The following ADCY3 variants were observed in gnomAD, a reference collection of about 807,000 sequenced individuals.
The protein encoded by ADCY3 is adenylate cyclase type 3.
A neutral mutation model predicts 119.4 loss-of-function variants in ADCY3; 70 were observed. The ratio of observed to expected loss-of-function variants is 0.59; its 90% CI spans 0.48 to 0.72. The LOEUF (loss-of-function observed/expected upper bound fraction) is 0.72. Among genes scored for constraint, ADCY3 ranks in the 30% least tolerant of loss-of-function variants. The pLI is 0.00. For missense variants in ADCY3, 1,238 were observed against 1,541.6 expected (o/e 0.80, Z 3.30); for synonymous variants, 672 against 621.4 (o/e 1.08, Z -1.21).
intron 3 of ADCY3, among the ~76,000 whole-genome samples, chr2:24,848,618 G>A (rs542803426): frequency 9.2e-5 from 14 of 152,288 alleles, no homozygotes; most frequent in Non-Finnish European, 1.9e-4. Context: ...TCCTAGGCAG[G>A]AAAGCAGGAA....
chr2:24,822,721 ACTAAAC>A, intron 18 of ADCY3, 91 bp from the exon 19 acceptor site: 1 of 1,521,898 alleles, frequency 6.6e-7, no homozygotes, highest in Admixed American at 1.9e-5. Flanking sequence ...CAAGGACCCC[ACTAAAC>A]CCAAGAGACA....
rs889044286 is a variant in ADCY3 at position 24,819,703 on chromosome 2, A to T, written c.*229T>A. On this transcript the variant is annotated 3_prime_UTR_variant, in exon 22 of 22. Coordinates refer to ENST00000679454, the MANE Select transcript of ADCY3 (RefSeq NM_004036.5). ...GGATTGGAACGAGGGCTCTGGAAGG[A>T]CTGTTCAGCCCTATGCCTAAGACCC... 4.2e-6 allele frequency: 2 copies of T among 478,418 alleles called. No individual in the cohort carries two copies. Among genetic ancestry groups the T allele is most frequent in the African/African-American group, 4.1e-5 (2 of 49,324 alleles). 29.6% of individuals were successfully genotyped at this position (478,418 alleles called of 1,614,324 possible).
rs771830047 is a variant in ADCY3 at position 24,820,814 on chromosome 2, G to A, written c.3162C>T (p.Ile1054=). 278 of 1,613,918 alleles carry A rather than the reference G, an allele frequency of 1.7e-4. No homozygotes were observed. The highest frequency in any genetic ancestry group is 2.2e-4 in the Non-Finnish European group (256 of 1,179,992). ...TGTCGTAGTGTGGTTTCCGGGCTCC[G>A]ATGACCCCAGCCAGAACCCCGCCTT... ...MNKGGVLAGV[I]GARKPHYDIW... Residue 1054 remains isoleucine, a synonymous_variant, in exon 21 of 22, where the codon ATC becomes ATT. Coordinates refer to ENST00000679454, the MANE Select transcript of ADCY3 (RefSeq NM_004036.5).
chr2:24,841,184 A>T lies in ADCY3; in HGVS notation c.1196+75T>A. On this transcript the variant is annotated intron_variant, in intron 6 of 21. Coordinates refer to ENST00000679454, the MANE Select transcript of ADCY3 (RefSeq NM_004036.5). This position sits in a 1 kb window ranked among gnomAD's most constrained non-coding sequence, Gnocchi z 5.8. ...CACCCAGGGGCCATGGCCAGCGCGG[A>T]AGACCTGCTTCTCCCTGGGTCCAGG... The T allele has an allele frequency of 6.8e-7, 1 of 1,464,058 alleles. No homozygotes were observed. Among genetic ancestry groups the T allele is most frequent in the Non-Finnish European group, 9.1e-7 (1 of 1,102,680 alleles). 90.7% of individuals were successfully genotyped at this position (1,464,058 alleles called of 1,614,324 possible).
intron 2 of ADCY3, among the ~76,000 whole-genome samples, chr2:24,908,482 GA>G (rs1422274252): frequency 6.6e-6 from 1 of 152,172 alleles, no homozygotes; most frequent in Non-Finnish European, 1.5e-5. Context: ...GAAAAGAGAT[GA>G]AAAAAGGATA....
intron 20 of ADCY3, 197 bp from the exon 21 acceptor site, chr2:24,821,045 C>CCA (rs1421537492): frequency 2.3e-4 from 163 of 705,286 alleles, no homozygotes; most frequent in Non-Finnish European, 3.0e-4. Context: ...GTGTCAGCCG[C>CCA]CACCCCCCCC....
chr2:24,827,297 C>T (rs545309086), intron 15 of ADCY3, among the ~76,000 whole-genome samples: 1 of 152,336 alleles, frequency 6.6e-6, no homozygotes, highest in African/African-American at 2.4e-5. Context: ...TTCCTCCCTC[C>T]TCATTTTCCT....
chr2:24,846,575 T>C (rs939734248), intron 3 of ADCY3, among the ~76,000 whole-genome samples: 1 of 148,250 alleles, frequency 6.7e-6, no homozygotes, highest in African/African-American at 2.6e-5. Context: ...TAGTTTGCTT[T>C]TGATTTTTTT....
chr2:24,824,368 C>T lies in ADCY3; in HGVS notation c.2736+10G>A, dbSNP rs1248615050. On this transcript the variant is annotated intron_variant, in intron 17 of 21. Coordinates refer to ENST00000679454, the MANE Select transcript of ADCY3 (RefSeq NM_004036.5). ...GCCTCATGGTTCCGGGCTGAGACCACACCCCTCACCTCATCTCTCTTCTTG... is the reference window on the plus strand; with the variant it reads ...GCCTCATGGTTCCGGGCTGAGACCATACCCCTCACCTCATCTCTCTTCTTG... 1.9e-6 allele frequency: 3 copies of T among 1,613,096 alleles called. No individual in the cohort carries two copies. Among genetic ancestry groups the T allele is most frequent in the Non-Finnish European group, 2.5e-6 (3 of 1,179,344 alleles).
intron 2 of ADCY3, among the ~76,000 whole-genome samples, chr2:24,886,821 T>C (rs914868827): frequency 1.3e-5 from 2 of 152,192 alleles, no homozygotes; most frequent in Non-Finnish European, 2.9e-5. Context: ...GCAAGGAGGC[T>C]GCCATGTGCC....
In ADCY3 at chr2:24,837,504, G is replaced by A. The variant is rs1236169995; in HGVS notation, c.1534-459C>T. The stretch of plus-strand genomic sequence containing the variant: ...AGCGGGGAGTATCAGCCTTCACTCC[G>A]GCAGCCTCACCAGAGTGGGCTTTGC... On this transcript the variant is annotated intron_variant, in intron 8 of 21. Coordinates refer to ENST00000679454, the MANE Select transcript of ADCY3 (RefSeq NM_004036.5). Among the ~76,000 whole-genome samples, 7 of 152,134 alleles carry A rather than the reference G, an allele frequency of 4.6e-5. No homozygotes were observed. In the South Asian group the frequency reaches 1.2e-3, roughly 27 times the overall value.
At chr2:24,823,491 C>G in intron 17 of ADCY3, 136 bp from the exon 18 acceptor site, 1 of 780,968 alleles carries the variant, frequency 1.3e-6, no homozygotes. Flanking sequence ...ATTATTCCAG[C>G]ATTTTTTTTT....
chr2:24,847,973 G>A (rs112313955), intron 3 of ADCY3, among the ~76,000 whole-genome samples: 12,151 of 152,216 alleles, frequency 0.08, 1,055 homozygotes, highest in African/African-American at 0.22. Context: ...CTTGAGGCTC[G>A]CGGGGCAGGA....
chr2:24,851,647 T>G (rs896217147), intron 3 of ADCY3, among the ~76,000 whole-genome samples: 1 of 152,168 alleles, frequency 6.6e-6, no homozygotes, highest in Non-Finnish European at 1.5e-5. Flanking sequence ...GTCCCCCCAG[T>G]GCCCAGGGGC....
At position 24,918,418 on chromosome 2, in the gene ADCY3, G is replaced by T. The variant is rs74619519; in HGVS notation, c.570C>A (p.Ile190=). 6.2e-7 allele frequency: 1 copy of T among 1,613,998 alleles called. No homozygotes were observed. Among genetic ancestry groups the T allele is most frequent in the Non-Finnish European group, 8.5e-7 (1 of 1,180,038 alleles). ...FITLPLSLSP[I]VIISVVSCVV... ...CACAGGAGACCACGGAGATGATCAC[G>T]ATGGGGCTGAGGCTGAGGGGCAGCG... is the stretch of plus-strand genomic sequence containing the variant. The change falls in exon 2 of 22, where the codon ATC becomes ATA. Residue 190 remains isoleucine (I), a synonymous_variant. Coordinates refer to ENST00000679454, the MANE Select transcript of ADCY3 (RefSeq NM_004036.5). The surrounding 1 kb of genome is among the most constrained non-coding windows in gnomAD (Gnocchi z 5.4).
At chr2:24,913,584 T>C (rs1664068338) in intron 2 of ADCY3, among the ~76,000 whole-genome samples, 1 of 152,268 alleles carries the variant, frequency 6.6e-6, no homozygotes, top group East Asian at 1.9e-4. Flanking sequence ...TCAGTCCCCT[T>C]ATCTGTGAAA....
intron 3 of ADCY3, among the ~76,000 whole-genome samples, chr2:24,853,781 C>T (rs1047379788): frequency 1.3e-5 from 2 of 152,180 alleles, no homozygotes; most frequent in African/African-American, 2.4e-5. Flanking sequence ...CCACCGTACC[C>T]GGCCAGTGAG....
In ADCY3 at chr2:24,872,866, A is replaced by G; in HGVS notation, c.676-147T>C. 1.1e-6 allele frequency: 1 copy of G among 908,838 alleles called. No homozygotes were observed. The highest frequency in any genetic ancestry group is 1.7e-5 in the South Asian group (1 of 58,342). 56.3% of individuals were successfully genotyped at this position (908,838 alleles called of 1,614,324 possible). Reference sequence around the variant, plus strand: ...CAATGTCCAGGGAGGGGCCCAGCACAGCCTTGGACCCCAGAGCCTCAGACA... The same window carrying G: ...CAATGTCCAGGGAGGGGCCCAGCACGGCCTTGGACCCCAGAGCCTCAGACA... On this transcript the variant is annotated intron_variant, in intron 2 of 21. Coordinates refer to ENST00000679454, the MANE Select transcript of ADCY3 (RefSeq NM_004036.5). This position sits in a 1 kb window ranked among gnomAD's most constrained non-coding sequence, Gnocchi z 4.4.
intron 3 of ADCY3, among the ~76,000 whole-genome samples, chr2:24,858,368 G>A (rs1377048589): frequency 1.3e-5 from 2 of 152,128 alleles, no homozygotes; most frequent in Non-Finnish European, 2.9e-5. Flanking sequence ...ATTAGAAAAT[G>A]TTAACACTCT....
Sources: gnomAD v4.1 joint callset for allele counts (sites outside exome capture counted in the v4.1 genomes callset) on GRCh38, gnomAD v4.1.1 for gene constraint, Gnocchi (gnomAD v3.1) non-coding constraint, MANE v1.5 for transcripts, NCBI Gene and HGNC (gene_info 2026-07-23, HGNC 2026-07-21) for gene names.